PLCB4: variants seen among roughly 807,000 people sequenced by gnomAD.
The protein encoded by PLCB4 is 1-phosphatidylinositol 4,5-bisphosphate phosphodiesterase beta-4.
PLCB4 carries 77 observed loss-of-function variants against 178.8 expected under a neutral mutation model. The ratio of observed to expected loss-of-function variants is 0.43; its 90% confidence interval spans 0.36 to 0.52. The LOEUF is 0.52. Among genes scored for constraint, PLCB4 ranks in the 20% least tolerant of loss-of-function variants. The pLI is 0.00. For synonymous variants in PLCB4, 496 were observed against 490.8 expected (o/e 1.01, Z -0.14); for missense variants, 1,024 against 1,453.4 (o/e 0.70, Z 4.80).
At chr20:9,219,773 C>G (rs764901030) in intron 3 of PLCB4, among the ~76,000 whole-genome samples, 13 of 152,140 alleles carry the variant, frequency 8.5e-5, no homozygotes, top group South Asian at 2.1e-4. Context: ...ATAATATCTT[C>G]CCATACTCAA....
At chr20:9,248,247 TAATA>T (rs1165416648) in intron 3 of PLCB4, among the ~76,000 whole-genome samples, 1 of 152,182 alleles carries the variant, frequency 6.6e-6, no homozygotes, top group Non-Finnish European at 1.5e-5. Flanking sequence ...GTACTGTGAT[TAATA>T]CTCATGTACA....
In PLCB4 at chr20:9,395,624, C is replaced by A. The variant is rs549329288; in HGVS notation, c.1510+6C>A. The A allele has an allele frequency of 2.5e-6, 4 of 1,585,584 alleles. No homozygotes were observed. In the Admixed American group the frequency reaches 6.7e-5, roughly 26 times the overall value. On this transcript the variant is annotated splice_donor_region_variant and intron_variant, in intron 19 of 39. Transcript: ENST00000378473. ...TGAAGAGGAGATCGAAAGTGGTGAG[C>A]TGTTTGCTTTTATTTTAAGTTACAT...
intron 2 of PLCB4, among the ~76,000 whole-genome samples, chr20:9,153,471 T>A (rs1024312502): frequency 8.5e-5 from 13 of 152,320 alleles, no homozygotes; most frequent in South Asian, 4.1e-4. Flanking sequence ...CCACTCTTGC[T>A]TCTTCCTCAT....
At chr20:9,262,775 T>C (rs956890752) in intron 3 of PLCB4, among the ~76,000 whole-genome samples, 21 of 151,564 alleles carry the variant, frequency 1.4e-4, no homozygotes, top group African/African-American at 4.3e-4. Flanking sequence ...AGATGTGTTC[T>C]CTGATGAAAA....
chr20:9,342,797 T>C (rs1231504199), intron 7 of PLCB4, among the ~76,000 whole-genome samples: 2 of 152,114 alleles, frequency 1.3e-5, no homozygotes, highest in Non-Finnish European at 2.9e-5. Context: ...GTGACTTTTT[T>C]CCCTAATCTT....
intron 12 of PLCB4, among the ~76,000 whole-genome samples, chr20:9,376,378 G>A (rs2036671853): frequency 6.6e-6 from 1 of 152,162 alleles, no homozygotes; most frequent in Admixed American, 6.5e-5. Context: ...TGAGTGGGAA[G>A]AATATGAGAG....
In PLCB4 at chr20:9,453,000, A is replaced by G. The variant is rs1175305449; in HGVS notation, c.2881-347A>G. 3.3e-5 allele frequency among the ~76,000 whole-genome samples: 5 copies of G among 152,222 alleles called. No homozygotes were observed. The East Asian group carries it at 7.7e-4, about 23-fold the overall frequency. On this transcript the variant is annotated intron_variant, in intron 32 of 39. Transcript: ENST00000378473. The stretch of plus-strand genomic sequence containing the variant: ...GTGGAAGGGGCAGTAGGCTAATTAC[A>G]TGTCTCAAACAGCAGAACAAAGATG...
intron 28 of PLCB4, among the ~76,000 whole-genome samples, chr20:9,429,574 C>A (rs961222357): frequency 1.3e-5 from 2 of 152,120 alleles, no homozygotes; most frequent in Non-Finnish European, 2.9e-5. Context: ...AAATAAATAC[C>A]ATTTTTCAAG....
intron 2 of PLCB4, among the ~76,000 whole-genome samples, chr20:9,109,181 T>C (rs963127550): frequency 6.6e-6 from 1 of 152,194 alleles, no homozygotes; most frequent in Non-Finnish European, 1.5e-5. Context: ...GGGTCTAAAG[T>C]ATTGAACATT....
chr20:9,121,703 C>T (rs1340328664), intron 2 of PLCB4, among the ~76,000 whole-genome samples: 1 of 152,096 alleles, frequency 6.6e-6, no homozygotes, highest in Non-Finnish European at 1.5e-5. Flanking sequence ...TTTGAATGAA[C>T]TGTATTCATT....
chr20:9,279,340 A>AT (rs2094474847), intron 3 of PLCB4, among the ~76,000 whole-genome samples: 1 of 152,062 alleles, frequency 6.6e-6, no homozygotes, highest in South Asian at 2.1e-4. Flanking sequence ...GCTTGAAATA[A>AT]TTAGAGTGCT....
chr20:9,363,959 G>A (rs1026006579), intron 8 of PLCB4, among the ~76,000 whole-genome samples: 4 of 152,150 alleles, frequency 2.6e-5, no homozygotes, highest in African/African-American at 7.2e-5. Context: ...TATAAATCCC[G>A]GCTTCACCAT....
intron 2 of PLCB4, among the ~76,000 whole-genome samples, chr20:9,118,203 C>A (rs1449964031): frequency 6.9e-6 from 1 of 144,508 alleles, no homozygotes; most frequent in Non-Finnish European, 1.5e-5. Flanking sequence ...GTATATCTCC[C>A]AATGCTATCC....
intron 1 of PLCB4, among the ~76,000 whole-genome samples, chr20:9,083,526 C>T (rs565926785): frequency 1.1e-4 from 16 of 152,198 alleles, no homozygotes; most frequent in Admixed American, 3.9e-4. Context: ...TCTTTAACAC[C>T]GGGCCCCTAA....
intron 17 of PLCB4, among the ~76,000 whole-genome samples, chr20:9,391,567 T>A (rs2038149151): frequency 6.6e-6 from 1 of 152,238 alleles, no homozygotes; most frequent in Non-Finnish European, 1.5e-5. Flanking sequence ...AAAAAAAATA[T>A]GAGAGACAAG....
intron 28 of PLCB4, among the ~76,000 whole-genome samples, chr20:9,433,238 A>G (rs192358742): frequency 9.8e-4 from 150 of 152,308 alleles, no homozygotes; most frequent in Non-Finnish European, 1.9e-3. Flanking sequence ...ATGTCCCTCA[A>G]TGTGATGCAT....
chr20:9,098,943 A>G (rs117738905), intron 2 of PLCB4, among the ~76,000 whole-genome samples: 1,598 of 151,276 alleles, frequency 0.011, 15 homozygotes, highest in Non-Finnish European at 0.014. Flanking sequence ...ATGTATATAT[A>G]CGTATATATA....
chr20:9,366,495 A>G (rs143953955), intron 9 of PLCB4, among the ~76,000 whole-genome samples: 25 of 152,054 alleles, frequency 1.6e-4, no homozygotes, highest in Middle Eastern at 3.4e-3. Flanking sequence ...ACTTAAGTGG[A>G]CAGATTTCAC....
chr20:9,154,297 G>A (rs2092743372), intron 2 of PLCB4, among the ~76,000 whole-genome samples: 2 of 152,132 alleles, frequency 1.3e-5, no homozygotes, highest in South Asian at 4.1e-4. Context: ...GTGCAGGAGA[G>A]CCTGGGAAAT....
Sources: gnomAD v4.1 joint callset for allele counts (sites outside exome capture counted in the v4.1 genomes callset) on GRCh38, gnomAD v4.1.1 for gene constraint, MANE v1.5 for transcripts, NCBI Gene and HGNC (gene_info 2026-07-23, HGNC 2026-07-21) for gene names.